SYMPK: variants seen among roughly 807,000 people sequenced by gnomAD.
SYMPK encodes symplekin.
In SYMPK, 49 loss-of-function variants were observed where a neutral mutation model predicts 136.4. That is an observed-to-expected ratio of 0.36 (90% CI 0.29 to 0.46). The LOEUF is 0.46. Among genes scored for constraint, SYMPK ranks in the 20% least tolerant of loss-of-function variants. SYMPK has a pLI of 1.00. For missense variants in SYMPK, 1,365 were observed against 1,690.0 expected (o/e 0.81, Z 3.37); for synonymous variants, 766 against 713.0 (o/e 1.07, Z -1.19).
At chr19:45,817,129 G>A in intron 23 of SYMPK, 155 bp from the exon 24 acceptor site, 1 of 722,142 alleles carries the variant, frequency 1.4e-6, no homozygotes, top group South Asian at 2.2e-5. Context: ...CCCTCCAGAG[G>A]CCTTTGTCTT....
chr19:45,836,832 C>A (rs1971313275), intron 10 of SYMPK, among the ~76,000 whole-genome samples: 2 of 151,964 alleles, frequency 1.3e-5, no homozygotes, highest in Admixed American at 1.3e-4. Context: ...TTTGTAGAGA[C>A]AGGGTCTCGC....
At chr19:45,827,710 C>G (rs1971077959) in intron 15 of SYMPK, 87 bp from the exon 16 acceptor site, 2 of 1,507,712 alleles carry the variant, frequency 1.3e-6, no homozygotes, top group Non-Finnish European at 1.8e-6. Flanking sequence ...GATCAGGTAC[C>G]TGGACAAAAG....
intron 9 of SYMPK, among the ~76,000 whole-genome samples, chr19:45,839,793 C>T (rs1385710709): frequency 6.6e-6 from 1 of 151,900 alleles, no homozygotes; most frequent in African/African-American, 2.4e-5. Context: ...GATTGCACCA[C>T]TGCACTCCAG....
At chr19:45,815,752 C>G in intron 26 of SYMPK, 55 bp from the exon 27 acceptor site, 4 of 1,597,640 alleles carry the variant, frequency 2.5e-6, no homozygotes, top group Non-Finnish European at 3.4e-6. Context: ...CACCTCCACG[C>G]TCCCCTTCAG....
At chr19:45,838,438 A>T (rs766741973) in intron 10 of SYMPK, 23 bp downstream of exon 10, 1 of 1,600,994 alleles carries the variant, frequency 6.2e-7, no homozygotes, top group Admixed American at 1.7e-5. Context: ...CCCAGGGGGA[A>T]AACGCTCCCC....
Position 45,846,349 on chromosome 19 carries a change from G to C in SYMPK, c.676+1403C>G, listed in dbSNP as rs556560197. 2.0e-5 allele frequency among the ~76,000 whole-genome samples: 3 copies of C among 152,312 alleles called. No individual in the cohort carries two copies. In the South Asian group the frequency reaches 6.2e-4, roughly 32 times the overall value. ...ATAGCAACTATATGATTCTCACAGG[G>C]AAGGACGTCACTGATACTATTAAGT... is the stretch of plus-strand genomic sequence containing the variant. On this transcript the variant is annotated intron_variant, in intron 7 of 26. Transcript: ENST00000245934.
Position 45,831,514 on chromosome 19 carries a change from T to C in SYMPK, c.1468A>G (p.Lys490Glu). The C allele has an allele frequency of 6.2e-7, 1 of 1,611,190 alleles. No individual in the cohort carries two copies. The highest frequency in any genetic ancestry group is 8.5e-7 in the Non-Finnish European group (1 of 1,179,070). ...KVVKTESVLI[K>E]RRLSAQGQAI... ...TGGCCCTGGGCTGACAGGCGCCGCT[T>C]GATCAGGACGCTCTCTGTCTTCACC... Residue 490 changes from lysine to glutamate, a missense_variant, in exon 12 of 27, where the codon AAG becomes GAG. Coordinates refer to ENST00000245934, the MANE Select transcript of SYMPK (RefSeq NM_004819.3).
At chr19:45,845,375 T>A (rs572353797) in intron 7 of SYMPK, among the ~76,000 whole-genome samples, 45 of 152,300 alleles carry the variant, frequency 3.0e-4, no homozygotes, top group African/African-American at 1.1e-3. Flanking sequence ...CAGCCTCTGG[T>A]AACCATCATT....
chr19:45,859,551 G>C (rs1237837018), intron 1 of SYMPK, among the ~76,000 whole-genome samples: 1 of 152,174 alleles, frequency 6.6e-6, no homozygotes, highest in Non-Finnish European at 1.5e-5. Context: ...AGCGAGCCGA[G>C]ATTGCGCCAC....
intron 1 of SYMPK, among the ~76,000 whole-genome samples, chr19:45,860,062 G>C (rs1379185275): frequency 1.3e-5 from 2 of 151,046 alleles, no homozygotes; most frequent in Admixed American, 6.6e-5. Flanking sequence ...CCTGGTTGTA[G>C]TGAAGTATGA....
intron 10 of SYMPK, among the ~76,000 whole-genome samples, chr19:45,836,293 G>A (rs952690265): frequency 6.6e-6 from 1 of 151,764 alleles, no homozygotes; most frequent in Non-Finnish European, 1.5e-5. Context: ...TCTTGCCCAG[G>A]CTGGAAAAGG....
At position 45,818,063 on chromosome 19, in the gene SYMPK, G is replaced by C; in HGVS notation, c.2977C>G (p.Pro993Ala). ...VVMQQLMEQS[P>A]LPMLLMRTVI... ...GTCCTCATGAGCAGCATGGGCAGGG[G>C]GCTCTGCTCCATCAGCTGCTGCATC... Residue 993 changes from proline (P) to alanine (A), a missense_variant, in exon 23 of 27, where the codon CCC becomes GCC. Pro to Ala is a conservative substitution (Grantham distance 27, BLOSUM62 -1). Transcript: ENST00000245934. 6.4e-7 allele frequency: 1 copy of C among 1,564,974 alleles called. No homozygotes were observed. The highest frequency in any genetic ancestry group is 2.4e-5 in the East Asian group (1 of 41,972).
At position 45,847,815 on chromosome 19, in the gene SYMPK, G is replaced by C; in HGVS notation, c.613C>G (p.Arg205Gly). ...SPRMADSEIP[R>G]RQEHDISLDR... ...AGGCTGATATCATGCTCCTGGCGTC[G>C]GGGTATCTCTGAGTCAGCCATGCGG... Residue 205 changes from arginine to glycine, a missense_variant, in exon 7 of 27, where the codon CGA (arginine) becomes GGA (glycine). By Grantham distance (125) the Arg-to-Gly change is moderately radical (BLOSUM62 -2). Coordinates refer to ENST00000245934, the MANE Select transcript of SYMPK (RefSeq NM_004819.3). 1 of 1,614,064 alleles carries C rather than the reference G, an allele frequency of 6.2e-7. No homozygotes were observed. The highest frequency in any genetic ancestry group is 8.5e-7 in the Non-Finnish European group (1 of 1,180,014).
Position 45,831,601 on chromosome 19 carries a change from C to A in SYMPK, c.1394-13G>T. 1 of 1,568,802 alleles carries A rather than the reference C, an allele frequency of 6.4e-7. No individual in the cohort carries two copies. Among genetic ancestry groups the A allele is most frequent in the Non-Finnish European group, 8.6e-7 (1 of 1,156,100 alleles). ...GTCTGCTCTACACCTGAGGGGGAGG[C>A]AGCAAACAGACACCCAGTGCGTCAG... is the stretch of plus-strand genomic sequence containing the variant. On this transcript the variant is annotated splice_polypyrimidine_tract_variant and intron_variant, in intron 11 of 26. Transcript: ENST00000245934.
intron 1 of SYMPK, among the ~76,000 whole-genome samples, chr19:45,858,385 C>T (rs774685722): frequency 2.0e-5 from 3 of 152,200 alleles, no homozygotes; most frequent in Non-Finnish European, 4.4e-5. Context: ...GCCCCTTCCT[C>T]AAAGACTTTG....
chr19:45,845,218 T>C (rs1971532188), intron 7 of SYMPK, among the ~76,000 whole-genome samples: 1 of 151,948 alleles, frequency 6.6e-6, no homozygotes, highest in Non-Finnish European at 1.5e-5. Context: ...ACTCAGGTGA[T>C]CCTCTCAACT....
intron 1 of SYMPK, among the ~76,000 whole-genome samples, chr19:45,858,970 G>A (rs1380608371): frequency 6.6e-6 from 1 of 151,066 alleles, no homozygotes; most frequent in Non-Finnish European, 1.5e-5. Context: ...GCAGAGTTTC[G>A]CCATGTTGCC....
At position 45,825,075 on chromosome 19, in the gene SYMPK, GCA is replaced by G. The variant is rs980186977; in HGVS notation, c.2490+94_2490+95del. 2.0e-6 allele frequency: 3 copies of G among 1,484,234 alleles called. No individual in the cohort carries two copies. The African/African-American group carries it at 4.2e-5, about 21-fold the overall frequency. 91.9% of individuals were successfully genotyped at this position (1,484,234 alleles called of 1,614,324 possible). On this transcript the variant is annotated intron_variant, in intron 18 of 26. Coordinates refer to ENST00000245934, the MANE Select transcript of SYMPK (RefSeq NM_004819.3). Reference sequence around the variant, plus strand: ...CCGGGGTGACCACCCTTCGGGCTTGGCACACTCTGAGGTGGAGCAGGTTGGGG... The same window carrying G: ...CCGGGGTGACCACCCTTCGGGCTTGGCACTCTGAGGTGGAGCAGGTTGGGG...
At chr19:45,857,409 CAAAAAAAAAAA>C (rs1161033225) in intron 1 of SYMPK, among the ~76,000 whole-genome samples, 2 of 43,442 alleles carry the variant, frequency 4.6e-5, no homozygotes, top group African/African-American at 9.0e-5. Context: ...GACTCTGTCT[CAAAAAAAAAAA>C]AAAAAAAAAA....
Sources: allele counts gnomAD v4.1 joint callset (sites outside exome capture counted in the v4.1 genomes callset), GRCh38; gene constraint gnomAD v4.1.1; transcripts MANE v1.5; gene names NCBI Gene and HGNC (gene_info 2026-07-23, HGNC 2026-07-21).